Variants in DGKB observed in about 807,000 individuals in gnomAD.
DGKB encodes the protein 90 kDa diacylglycerol kinase.
A neutral mutation model predicts 114.3 loss-of-function variants in DGKB; 67 were observed. The observed-to-expected ratio is 0.59, with a 90% CI of 0.48 to 0.72. The LOEUF is 0.72. DGKB is among the 30% of genes least tolerant of loss of function. The pLI is 0.00. For synonymous variants in DGKB, 398 were observed against 323.1 expected, an observed-to-expected ratio of 1.23 and a Z score of -2.49; for missense variants, 907 against 975.2, an observed-to-expected ratio of 0.93 and a Z score of 0.93.
intron 23 of DGKB, among the ~76,000 whole-genome samples, chr7:14,180,281 A>G (rs1396993030): frequency 1.3e-5 from 2 of 152,212 alleles, no homozygotes; most frequent in Non-Finnish European, 1.5e-5. Context: ...ACACTTTCTC[A>G]AGACAGAGTT....
chr7:14,867,298 C>G (rs62451481), intron 1 of DGKB, among the ~76,000 whole-genome samples: 20,219 of 152,030 alleles, frequency 0.13, 1,396 homozygotes, highest in Middle Eastern at 0.2. Flanking sequence ...AAGTCATTAC[C>G]ATATTCAAGG....
chr7:14,732,914 A>G (rs1831131831), intron 5 of DGKB, among the ~76,000 whole-genome samples: 1 of 152,192 alleles, frequency 6.6e-6, no homozygotes, highest in African/African-American at 2.4e-5. Flanking sequence ...TTTCTTCCAT[A>G]TGTGATACAG....
chr7:14,849,146 G>C (rs1455164253), intron 1 of DGKB, among the ~76,000 whole-genome samples: 1 of 151,976 alleles, frequency 6.6e-6, no homozygotes, highest in African/African-American at 2.4e-5. Flanking sequence ...AGGAAATGTG[G>C]ACAGGTAAGG....
In DGKB at chr7:14,839,568, A is replaced by AT. The variant is rs113109923; in HGVS notation, c.70+1625dup. Among the ~76,000 whole-genome samples the AT allele has an allele frequency of 5.4e-3, 797 of 146,526 alleles. 10 individuals carry two copies. The highest frequency in any genetic ancestry group is 0.017 in the African/African-American group (701 of 40,234). On this transcript the variant is annotated intron_variant, in intron 2 of 25. Transcript: ENST00000402815. ...ATGTGCATGCCAGCCTGCTGGGCTA[A>AT]TTTTTTTTTTTTCCATAGAGACAGG...
intron 2 of DGKB, among the ~76,000 whole-genome samples, chr7:14,766,974 A>C (rs1465313911): frequency 6.6e-6 from 1 of 151,718 alleles, no homozygotes; most frequent in African/African-American, 2.4e-5. Flanking sequence ...TCAATTCAGT[A>C]GCTGGGAAAA....
chr7:14,517,232 G>C (rs1379351084), intron 20 of DGKB, among the ~76,000 whole-genome samples: 2 of 152,072 alleles, frequency 1.3e-5, no homozygotes, highest in African/African-American at 4.8e-5. Context: ...AATAAATGGT[G>C]CTGGAATAAC....
Position 14,719,491 on chromosome 7 carries a change from G to T in DGKB, c.323-806C>A, listed in dbSNP as rs1372496042. Among the ~76,000 whole-genome samples, 3 of 140,788 alleles carry T rather than the reference G, an allele frequency of 2.1e-5. 1 individual carries two copies. Among genetic ancestry groups the T allele is most frequent in the East Asian group, 4.8e-4 (2 of 4,170 alleles). 92.4% of individuals were successfully genotyped at this position (140,788 alleles called of 152,430 possible). A position where few individuals can be genotyped will look rare whatever the true frequency, so the allele number is the denominator to read the frequency against. On this transcript the variant is annotated intron_variant, in intron 5 of 25. Transcript: ENST00000402815. ...ATCTGACAAGGCCTGAAGATAAACC[G>T]CAATTATCCCTTGAGGGATATATGG... is the stretch of plus-strand genomic sequence containing the variant.
chr7:14,815,892 G>C (rs1844073104), intron 2 of DGKB, among the ~76,000 whole-genome samples: 1 of 152,190 alleles, frequency 6.6e-6, no homozygotes, highest in African/African-American at 2.4e-5. Flanking sequence ...CCAGGGGATG[G>C]ATAAAATATA....
At chr7:14,404,158 A>G (rs940392892) in intron 21 of DGKB, among the ~76,000 whole-genome samples, 2 of 150,790 alleles carry the variant, frequency 1.3e-5, no homozygotes, top group Non-Finnish European at 3.0e-5. Flanking sequence ...TCTTCTAATA[A>G]TCAAACATAG....
intron 21 of DGKB, among the ~76,000 whole-genome samples, chr7:14,414,717 C>A (rs1825435748): frequency 6.6e-6 from 1 of 151,890 alleles, no homozygotes; most frequent in Admixed American, 6.6e-5. Context: ...TTTTGTAGGT[C>A]CTGTGTAAGT....
rs191851062 is a variant in DGKB, at chr7:14,493,510, G to A, written c.1771-15285C>T. 4.8e-3 allele frequency among the ~76,000 whole-genome samples: 732 copies of A among 152,068 alleles called. 2 individuals carry two copies. Among genetic ancestry groups the A allele is most frequent in the Admixed American group, 6.5e-3 (99 of 15,222 alleles). On this transcript the variant is annotated intron_variant, in intron 20 of 25. Coordinates refer to ENST00000402815, the MANE Select transcript of DGKB (RefSeq NM_001350709.2). ...TTGTACTGTAGTCACCCTACTTCTTGGGATGAAACAAGATGATATGAAGCT... is the reference window on the plus strand; with the variant it reads ...TTGTACTGTAGTCACCCTACTTCTTAGGATGAAACAAGATGATATGAAGCT...
At chr7:14,755,812 G>A (rs1834788143) in intron 3 of DGKB, among the ~76,000 whole-genome samples, 1 of 152,030 alleles carries the variant, frequency 6.6e-6, no homozygotes, top group Admixed American at 6.6e-5. Flanking sequence ...AAAATTTTAT[G>A]AAAATTAACT....
chr7:14,486,435 T>C (rs1319231860), intron 20 of DGKB, among the ~76,000 whole-genome samples: 1 of 152,150 alleles, frequency 6.6e-6, no homozygotes, highest in Non-Finnish European at 1.5e-5. Flanking sequence ...TGTGAGGAGC[T>C]AGTTACCAGA....
chr7:14,634,481 TACACACACACACACACACAC>T (rs34758174), intron 13 of DGKB, among the ~76,000 whole-genome samples: 3 of 145,266 alleles, frequency 2.1e-5, no homozygotes, highest in East Asian at 4.0e-4. Flanking sequence ...TACAAAGTGA[TACACACACACACACACACAC>T]ACACACACAC....
At chr7:14,693,407 A>T (rs1823236677) in intron 9 of DGKB, among the ~76,000 whole-genome samples, 3 of 152,012 alleles carry the variant, frequency 2.0e-5, no homozygotes, top group African/African-American at 7.2e-5. Context: ...ATTATATTAC[A>T]TTCTCATCTT....
upstream of DGKB, among the ~76,000 whole-genome samples, chr7:14,907,909 TGGACACATAATTAA>T (rs1004138385): frequency 3.3e-5 from 5 of 152,202 alleles, no homozygotes; most frequent in Non-Finnish European, 5.9e-5. Context: ...AGTCCTAAGC[TGGACACATAATTAA>T]GGAACCACAG....
intron 23 of DGKB, among the ~76,000 whole-genome samples, chr7:14,294,598 G>A (rs1001144302): frequency 1.2e-4 from 19 of 152,260 alleles, no homozygotes; most frequent in Admixed American, 7.9e-4. Context: ...AGTTTATAGG[G>A]CTAATAAAAA....
Position 14,750,779 on chromosome 7 carries a change from A to C in DGKB, c.168+3149T>G, listed in dbSNP as rs148117229. 6.1e-3 allele frequency among the ~76,000 whole-genome samples: 888 copies of C among 145,424 alleles called. 10 individuals are homozygous for C. The highest frequency in any genetic ancestry group is 0.022 in the African/African-American group (837 of 38,072). On this transcript the variant is annotated intron_variant, in intron 4 of 25. Transcript: ENST00000402815. ...CCTGCAGTGTTCTTTCCCTTGAAAA[A>C]GCTATTTCTATTTCTTTTTTTTTTT...
chr7:14,965,454 T>A (rs536231532), intron 1 of DGKB, among the ~76,000 whole-genome samples: 3 of 152,246 alleles, frequency 2.0e-5, no homozygotes, highest in South Asian at 2.1e-4. Context: ...GAAGTTCTTG[T>A]GAAAATTGCT....
Sources: allele counts gnomAD v4.1 joint callset (sites outside exome capture counted in the v4.1 genomes callset), GRCh38; gene constraint gnomAD v4.1.1; transcripts MANE v1.5; gene names NCBI Gene and HGNC (gene_info 2026-07-23, HGNC 2026-07-21).